The following MCPH1 variants were observed in gnomAD, a reference collection of about 807,000 sequenced individuals.
MCPH1 encodes microcephalin.
A neutral mutation model predicts 84.5 loss-of-function variants in MCPH1; 104 were observed. The observed-to-expected ratio is 1.23, with a 90% confidence interval of 1.05 to 1.45. MCPH1 has a LOEUF of 1.45. MCPH1 is among the 40% of genes most tolerant of loss of function. The pLI is 0.00. For missense variants in MCPH1, 1,498 were observed against 1,005.7 expected (o/e 1.49, Z -6.62); for synonymous variants, 514 against 366.8 (o/e 1.40, Z -4.58).
chr8:6,460,090 C>G (rs1362150322), intron 9 of MCPH1, among the ~76,000 whole-genome samples: 1 of 151,732 alleles, frequency 6.6e-6, no homozygotes, highest in African/African-American at 2.4e-5. Context: ...ACAGGCCGTC[C>G]TGTCTTTGAT....
intron 12 of MCPH1, among the ~76,000 whole-genome samples, chr8:6,536,975 A>G (rs1468042958): frequency 6.0e-5 from 9 of 151,210 alleles, no homozygotes; most frequent in Admixed American, 6.6e-5. Flanking sequence ...AGTACAAGAA[A>G]AAAAAAAAAA....
chr8:6,608,231 C>G (rs1277354524), intron 12 of MCPH1, among the ~76,000 whole-genome samples: 2 of 152,222 alleles, frequency 1.3e-5, no homozygotes, highest in Non-Finnish European at 2.9e-5. Context: ...CCAGGCCTCA[C>G]CTGCCCGTGC....
chr8:6,412,350 A>G (rs1284306682), intron 2 of MCPH1, among the ~76,000 whole-genome samples: 2 of 152,270 alleles, frequency 1.3e-5, no homozygotes, highest in Non-Finnish European at 2.9e-5. Flanking sequence ...TGAGGGTAGC[A>G]TTAAGATCTT....
chr8:6,592,614 CT>C (rs1252024553), intron 12 of MCPH1, among the ~76,000 whole-genome samples: 1 of 65,546 alleles, frequency 1.5e-5, no homozygotes, highest in Non-Finnish European at 3.0e-5. Context: ...GTTTTTCTTT[CT>C]TTTTTTTGTT....
intron 8 of MCPH1, chr8:6,446,443 C>G (rs948669701): frequency 1.0e-6 from 1 of 985,200 alleles, no homozygotes; most frequent in Non-Finnish European, 1.2e-6. Flanking sequence ...ATGTTACATA[C>G]CTTTTCCTTG....
intron 13 of MCPH1, among the ~76,000 whole-genome samples, chr8:6,628,923 G>T (rs1055785334): frequency 1.2e-4 from 18 of 152,206 alleles, no homozygotes; most frequent in African/African-American, 3.6e-4. Flanking sequence ...TGTGTCTTTG[G>T]AGTATGCTGA....
chr8:6,631,255 G>C (rs1345727567), intron 13 of MCPH1, among the ~76,000 whole-genome samples: 1 of 152,142 alleles, frequency 6.6e-6, no homozygotes, highest in Admixed American at 6.5e-5. Context: ...TAACATGCAA[G>C]GTGGGCAAGA....
chr8:6,624,241 C>G (rs1023639844), intron 13 of MCPH1, among the ~76,000 whole-genome samples: 2 of 152,246 alleles, frequency 1.3e-5, no homozygotes, highest in Non-Finnish European at 2.9e-5. Context: ...CAGGCCCCAG[C>G]CTCTTTTTCT....
At chr8:6,454,854 C>T (rs1193956366) in intron 8 of MCPH1, among the ~76,000 whole-genome samples, 8 of 152,074 alleles carry the variant, frequency 5.3e-5, no homozygotes, top group Non-Finnish European at 4.4e-5. Flanking sequence ...TTGACGAGTG[C>T]GTAAGGTATG....
At chr8:6,581,865 G>A (rs55955403) in intron 12 of MCPH1, among the ~76,000 whole-genome samples, 1,665 of 152,174 alleles carry the variant, frequency 0.011, 21 homozygotes, top group East Asian at 0.037. Context: ...CATAGATGGC[G>A]CCTTCTCTGC....
intron 9 of MCPH1, among the ~76,000 whole-genome samples, chr8:6,472,244 A>C (rs1464332284): frequency 6.6e-6 from 1 of 152,174 alleles, no homozygotes; most frequent in Non-Finnish European, 1.5e-5. Flanking sequence ...TCACATCAAG[A>C]GGGTTATTTT....
chr8:6,630,045 T>C (rs548108246), intron 13 of MCPH1, among the ~76,000 whole-genome samples: 93 of 152,222 alleles, frequency 6.1e-4, no homozygotes, highest in Non-Finnish European at 3.4e-4. Context: ...TCTCATTTTA[T>C]TTTTTAGTCA....
chr8:6,420,029 CT>C (rs1342885073), intron 3 of MCPH1, among the ~76,000 whole-genome samples: 8 of 149,738 alleles, frequency 5.3e-5, no homozygotes, highest in Admixed American at 1.4e-4. Flanking sequence ...TGCATAGTTT[CT>C]TTTATAGGTG....
At chr8:6,596,490 A>G (rs955661763) in intron 12 of MCPH1, among the ~76,000 whole-genome samples, 40 of 152,198 alleles carry the variant, frequency 2.6e-4, no homozygotes, top group African/African-American at 9.7e-4. Context: ...AAGCCTGTAC[A>G]CATGGCAGCC....
chr8:6,450,893 C>T (rs905708426), intron 8 of MCPH1, among the ~76,000 whole-genome samples: 3 of 152,032 alleles, frequency 2.0e-5, no homozygotes, highest in African/African-American at 7.2e-5. Context: ...CAGACGCAGG[C>T]CACCACACTC....
At chr8:6,524,199 C>G (rs546221735) in intron 12 of MCPH1, among the ~76,000 whole-genome samples, 1 of 152,100 alleles carries the variant, frequency 6.6e-6, no homozygotes, top group Non-Finnish European at 1.5e-5. Flanking sequence ...CTCATATTCC[C>G]TTTTTTGAGT....
chr8:6,555,606 C>G (rs543820004), intron 12 of MCPH1, among the ~76,000 whole-genome samples: 1 of 151,926 alleles, frequency 6.6e-6, no homozygotes, highest in Admixed American at 6.6e-5. Context: ...AGACTACAGG[C>G]ATGTACCACC....
intron 3 of MCPH1, among the ~76,000 whole-genome samples, chr8:6,429,374 G>A (rs893806610): frequency 2.0e-5 from 3 of 151,974 alleles, no homozygotes; most frequent in Non-Finnish European, 4.4e-5. Flanking sequence ...CCTCTTTTCA[G>A]CCTTCCACCC....
chr8:6,599,346 G>A (rs928199744), intron 12 of MCPH1, among the ~76,000 whole-genome samples: 3 of 152,134 alleles, frequency 2.0e-5, no homozygotes, highest in Non-Finnish European at 4.4e-5. Flanking sequence ...AGTTAGTCAG[G>A]GACTGCATGA....
Sources: gnomAD v4.1 joint callset for allele counts (sites outside exome capture counted in the v4.1 genomes callset) on GRCh38, gnomAD v4.1.1 for gene constraint, MANE v1.5 for transcripts, NCBI Gene and HGNC (gene_info 2026-07-23, HGNC 2026-07-21) for gene names.